FERMT1: variants seen among roughly 807,000 people sequenced by gnomAD.
FERMT1 encodes fermitin family homolog 1.
FERMT1 carries 60 observed loss-of-function variants against 85.3 expected under a neutral mutation model. The observed-to-expected ratio is 0.70, with a 90% CI of 0.57 to 0.87. FERMT1 has a LOEUF of 0.87. FERMT1 is among the 40% of genes least tolerant of loss of function. The pLI is 0.00. For synonymous variants in FERMT1, 275 were observed against 301.1 expected, an observed-to-expected ratio of 0.91 and a Z score of 0.90; for missense variants, 701 against 818.9, an observed-to-expected ratio of 0.86 and a Z score of 1.76.
rs983821592 is a variant in FERMT1 at position 6,097,584 on chromosome 20, G to A, written c.897C>T (p.Ala299=). 8.1e-6 allele frequency: 13 copies of A among 1,614,040 alleles called. No homozygotes were observed. Among genetic ancestry groups the A allele is most frequent in the Non-Finnish European group, 1.0e-5 (12 of 1,179,994 alleles). The change falls in exon 7 of 15, where the codon GCC becomes GCT. Residue 299 remains alanine (A), a synonymous_variant. Transcript: ENST00000217289. ...TGCAATCAATTTCTTCTAAGAGAAT[G>A]GCCCACCTGGCTTGCTCATAGAGTT... ...INQLYEQARW[A]ILLEEIDCTE...
Position 6,112,467 on chromosome 20 carries a change from C to CA in FERMT1, c.532+9dup. ...CGTTCAAACAACAAAACACCTGTAA[C>CA]AAGTCTTACCTGATGAACCTGAAGC... On this transcript the variant is annotated intron_variant, in intron 4 of 14. Coordinates refer to ENST00000217289, the MANE Select transcript of FERMT1 (RefSeq NM_017671.5). The CA allele has an allele frequency of 1.2e-6, 2 of 1,613,234 alleles. No homozygotes were observed. The highest frequency in any genetic ancestry group is 4.5e-5 in the East Asian group (2 of 44,802).
At chr20:6,122,734 C>T (rs1018927530) in intron 1 of FERMT1, 40 bp downstream of exon 1, 1 of 152,384 alleles carries the variant, frequency 6.6e-6, no homozygotes, top group African/African-American at 2.4e-5. Flanking sequence ...TGAAAGCCTC[C>T]CAACCTCTAG....
chr20:6,091,477 C>G (rs952647516), intron 9 of FERMT1, among the ~76,000 whole-genome samples: 4 of 152,086 alleles, frequency 2.6e-5, no homozygotes, highest in Non-Finnish European at 1.5e-5. Context: ...AGTGATCCGC[C>G]CACCTTGGCC....
At chr20:6,106,844 T>A (rs1982809413) in intron 6 of FERMT1, among the ~76,000 whole-genome samples, 1 of 152,106 alleles carries the variant, frequency 6.6e-6, no homozygotes, top group Non-Finnish European at 1.5e-5. Context: ...CCTAGCTTGT[T>A]CATGGGAACC....
intron 13 of FERMT1, among the ~76,000 whole-genome samples, chr20:6,081,580 G>C (rs1982000138): frequency 6.6e-6 from 1 of 152,132 alleles, no homozygotes; most frequent in Non-Finnish European, 1.5e-5. Flanking sequence ...CAGTGGGGTA[G>C]GGAGGGAGAG....
chr20:6,084,713 A>ATTTT (rs1982111316), intron 12 of FERMT1, among the ~76,000 whole-genome samples: 1 of 145,226 alleles, frequency 6.9e-6, no homozygotes, highest in African/African-American at 2.6e-5. Flanking sequence ...TTTTTTTCTG[A>ATTTT]GACACAGTCT....
intron 6 of FERMT1, among the ~76,000 whole-genome samples, chr20:6,097,854 G>A (rs1406888914): frequency 1.3e-5 from 2 of 148,910 alleles, no homozygotes; most frequent in East Asian, 2.0e-4. Flanking sequence ...TCACTCTGTC[G>A]CCTAGGCTGG....
chr20:6,089,059 T>C lies in FERMT1; in HGVS notation c.1170A>G (p.Lys390=), dbSNP rs1982273743. The C allele has an allele frequency of 6.2e-7, 1 of 1,612,424 alleles. No individual in the cohort carries two copies. The highest frequency in any genetic ancestry group is 8.5e-7 in the Non-Finnish European group (1 of 1,178,726). ...TGTCTTTAAAGATAAACCAATATTG[T>C]TTGAAAGCTTTTGGTAGTAACTTCT... ...RPKKLLPKAF[K]QYWFIFKDTS... The change falls in exon 10 of 15, where the codon AAA becomes AAG. Residue 390 remains lysine (K), a synonymous_variant. Transcript: ENST00000217289.
chr20:6,113,553 G>A (rs1299391469), intron 3 of FERMT1, among the ~76,000 whole-genome samples: 3 of 152,160 alleles, frequency 2.0e-5, no homozygotes, highest in Admixed American at 6.5e-5. Context: ...CACCATTTCA[G>A]CACACCTGGC....
chr20:6,084,252 T>A (rs1982099490), intron 12 of FERMT1, 88 bp from the exon 13 acceptor site: 1 of 1,432,716 alleles, frequency 7.0e-7, no homozygotes, highest in Admixed American at 2.0e-5. Context: ...ATAAGAACAA[T>A]ACACTCAAGG....
At chr20:6,112,322 C>T (rs543919492) in intron 4 of FERMT1, among the ~76,000 whole-genome samples, 155 bp downstream of exon 4, 2 of 152,016 alleles carry the variant, frequency 1.3e-5, no homozygotes, top group East Asian at 3.9e-4. Flanking sequence ...AAACACATTT[C>T]TGTTAATTCT....
At chr20:6,077,955 T>G (rs1395657670) in intron 14 of FERMT1, among the ~76,000 whole-genome samples, 14 of 152,216 alleles carry the variant, frequency 9.2e-5, no homozygotes, top group Non-Finnish European at 4.4e-5. Context: ...GTTGGGATTA[T>G]AGGCGTGAGC....
intron 6 of FERMT1, 127 bp downstream of exon 6, chr20:6,107,405 C>A: frequency 8.7e-6 from 5 of 577,018 alleles, no homozygotes; most frequent in Non-Finnish European, 1.6e-5. Flanking sequence ...ATCAGTCTCA[C>A]CCTGCAGGGC....
At chr20:6,097,751 A>T in intron 6 of FERMT1, 120 bp from the exon 7 acceptor site, 1 of 753,822 alleles carries the variant, frequency 1.3e-6, no homozygotes, top group Non-Finnish European at 2.4e-6. Context: ...CAGCTCAGGT[A>T]AGTGAAAGGA....
At chr20:6,078,495 A>G (rs892812167) in intron 14 of FERMT1, among the ~76,000 whole-genome samples, 1 of 152,138 alleles carries the variant, frequency 6.6e-6, no homozygotes, top group African/African-American at 2.4e-5. Flanking sequence ...GAATGAATGA[A>G]ACAGGGTCTT....
rs61672957 is a variant in FERMT1, at chr20:6,079,749, G to A, written c.1719-172C>T. ...GCATTTTTATTGGGATATAGACAGC[G>A]TGAAAAAAGAATGAAGGCTATCCTG... On this transcript the variant is annotated intron_variant, in intron 13 of 14. Transcript: ENST00000217289. Among the ~76,000 whole-genome samples the A allele has an allele frequency of 0.038, 5,773 of 152,154 alleles. 333 individuals carry two copies. The highest frequency in any genetic ancestry group is 0.13 in the African/African-American group (5,251 of 41,488).
intron 9 of FERMT1, among the ~76,000 whole-genome samples, chr20:6,090,414 G>A (rs936672626): frequency 2.6e-5 from 4 of 151,718 alleles, no homozygotes; most frequent in Admixed American, 2.6e-4. Flanking sequence ...TCTTTCCTTA[G>A]CTAAACATAT....
Position 6,102,658 on chromosome 20 carries a change from C to CAG in FERMT1, c.849+4872_849+4873dup, listed in dbSNP as rs376682321. Among the ~76,000 whole-genome samples, 284 of 115,500 alleles carry CAG rather than the reference C, an allele frequency of 2.5e-3. 3 individuals are homozygous for CAG. The highest frequency in any genetic ancestry group is 9.4e-3 in the African/African-American group (277 of 29,576). 75.8% of individuals were successfully genotyped at this position (115,500 alleles called of 152,430 possible). On this transcript the variant is annotated intron_variant, in intron 6 of 14. Transcript: ENST00000217289. ...TGCCACTGTACCCCAGCCTAGGTGA[C>CAG]AGAGTGAAACTGTGTCTCAAGAAAA...
At chr20:6,091,074 G>T (rs1367019992) in intron 9 of FERMT1, among the ~76,000 whole-genome samples, 1 of 151,782 alleles carries the variant, frequency 6.6e-6, no homozygotes, top group Non-Finnish European at 1.5e-5. Context: ...GAGGCACAAG[G>T]ATTGCTTGAA....
Sources: allele counts gnomAD v4.1 joint callset (sites outside exome capture counted in the v4.1 genomes callset), GRCh38; gene constraint gnomAD v4.1.1; transcripts MANE v1.5; gene names NCBI Gene and HGNC (gene_info 2026-07-23, HGNC 2026-07-21).